Variants in TPO observed in about 807,000 individuals in gnomAD.
The protein encoded by TPO is thyroid microsomal antigen.
TPO carries 78 observed loss-of-function variants against 96.9 expected under a neutral mutation model. That is an observed-to-expected ratio of 0.81 (90% CI 0.67 to 0.97). The LOEUF is 0.97. Among genes scored for constraint, TPO ranks in the 50% least tolerant of loss-of-function variants. The pLI, the probability that TPO is intolerant of heterozygous loss-of-function variation, is 0.00. For missense variants in TPO, 1,252 were observed against 1,274.8 expected (o/e 0.98, Z 0.27); for synonymous variants, 547 against 538.0 (o/e 1.02, Z -0.23).
chr2:1,499,050 G>A (rs922798006), intron 13 of TPO, among the ~76,000 whole-genome samples: 22 of 152,086 alleles, frequency 1.4e-4, no homozygotes, highest in Admixed American at 3.3e-4. Context: ...GACGTTTCAC[G>A]TGTCCATTTT....
intron 9 of TPO, among the ~76,000 whole-genome samples, chr2:1,486,732 C>A (rs949152974): frequency 1.3e-5 from 2 of 152,038 alleles, no homozygotes; most frequent in Non-Finnish European, 2.9e-5. Context: ...ATTCCTTTCC[C>A]AGTAGTCTGT....
At position 1,542,835 on chromosome 2, in the gene TPO, C is replaced by T. The variant is rs915709969; in HGVS notation, c.*361C>T. The T allele has an allele frequency of 6.4e-5, 27 of 419,292 alleles. No homozygotes were observed. The highest frequency in any genetic ancestry group is 1.1e-4 in the Non-Finnish European group (25 of 229,354). The allele number at this position is 419,292 out of a possible 1,614,324, so 26.0% of individuals were successfully genotyped here. ...CGTCTGCACTCTGCCCCGGCGGTCC[C>T]TCCAGCACTGGTTTTTCCACACCCC... On this transcript the variant is annotated 3_prime_UTR_variant, in exon 17 of 17. Transcript: ENST00000329066.
At chr2:1,514,291 C>T (rs1297789863) in intron 14 of TPO, among the ~76,000 whole-genome samples, 2 of 152,354 alleles carry the variant, frequency 1.3e-5, no homozygotes, top group African/African-American at 4.8e-5. Context: ...TTTTCTCAGA[C>T]CACAGATTCC....
intron 1 of TPO, among the ~76,000 whole-genome samples, chr2:1,388,767 T>C (rs1661948153): frequency 6.6e-6 from 1 of 152,100 alleles, no homozygotes; most frequent in Non-Finnish European, 1.5e-5. Flanking sequence ...GGTACCTCAG[T>C]TGGAAATGCA....
At chr2:1,468,000 A>C (rs1669064808) in intron 7 of TPO, among the ~76,000 whole-genome samples, 2 of 143,878 alleles carry the variant, frequency 1.4e-5, no homozygotes, top group Non-Finnish European at 3.1e-5. Flanking sequence ...TGATATAAGA[A>C]TAGCTACACT....
chr2:1,505,922 T>C (rs1275499964), intron 14 of TPO, among the ~76,000 whole-genome samples: 7 of 151,930 alleles, frequency 4.6e-5, no homozygotes, highest in African/African-American at 1.7e-4. Context: ...GCAGGTTTGT[T>C]ACATATGTAT....
Position 1,542,969 on chromosome 2 carries a change from G to T in TPO, c.*495G>T, listed in dbSNP as rs1037293324. Reference sequence around the variant, plus strand: ...GGTGGGAGGAGGAAAGTGATTCTGAGGGAGAGGCTGGAGCCTTAAGGACCA... The same window carrying T: ...GGTGGGAGGAGGAAAGTGATTCTGATGGAGAGGCTGGAGCCTTAAGGACCA... On this transcript the variant is annotated 3_prime_UTR_variant, in exon 17 of 17. Transcript: ENST00000329066. The T allele has an allele frequency of 1.6e-5, 4 of 245,768 alleles. No homozygotes were observed. The highest frequency in any genetic ancestry group is 2.4e-5 in the Non-Finnish European group (3 of 124,818). 15.2% of individuals were successfully genotyped at this position (245,768 alleles called of 1,614,324 possible).
At chr2:1,497,291 C>T (rs1296549552) in intron 13 of TPO, among the ~76,000 whole-genome samples, 1 of 152,178 alleles carries the variant, frequency 6.6e-6, no homozygotes, top group African/African-American at 2.4e-5. Context: ...CCTTTCAGGC[C>T]GCAAGGCAAG....
chr2:1,436,364 C>T lies in TPO; in HGVS notation c.462C>T (p.Ile154=), dbSNP rs566758211. 1.2e-6 allele frequency: 2 copies of T among 1,614,186 alleles called. No homozygotes were observed. The highest frequency in any genetic ancestry group is 2.2e-5 in the South Asian group (2 of 91,086). ...GCCTGGCGAACAAATACAGGCCCAT[C>T]ACAGGAGCTTGCAACAACAGGTATT... ...NTCLANKYRP[I]TGACNNRDHP... Residue 154 remains isoleucine, a synonymous_variant, in exon 5 of 17, where the codon ATC becomes ATT. Transcript: ENST00000329066.
chr2:1,489,939 C>A, intron 10 of TPO, among the ~76,000 whole-genome samples: 1 of 114,716 alleles, frequency 8.7e-6, no homozygotes, highest in African/African-American at 3.2e-5. Flanking sequence ...CAGGAGGAGT[C>A]ACGACAGAGC....
At chr2:1,397,913 G>T (rs1007596963) in intron 1 of TPO, among the ~76,000 whole-genome samples, 4 of 152,164 alleles carry the variant, frequency 2.6e-5, no homozygotes, top group Admixed American at 2.0e-4. Context: ...CTCCCATGGG[G>T]CGTACCTGGG....
chr2:1,525,024 T>C (rs1279485574), intron 15 of TPO, among the ~76,000 whole-genome samples: 1 of 48,674 alleles, frequency 2.1e-5, no homozygotes, highest in Non-Finnish European at 3.6e-5. Context: ...CCTCGCCAAA[T>C]CCCCCAACTC....
rs186620709 is a variant in TPO, at chr2:1,540,663, C to A, written c.2688C>A (p.Cys896Ter). The A allele has an allele frequency of 1.9e-5, 30 of 1,613,488 alleles. No homozygotes were observed. The African/African-American group carries it at 3.6e-4, about 19-fold the overall frequency. Reference sequence around the variant, plus strand: ...GCGGAGGAACTCCCGAGCTGAGATGCGGAAAGCACCAGGCCGTAGGGACCT... The same window carrying A: ...GCGGAGGAACTCCCGAGCTGAGATGAGGAAAGCACCAGGCCGTAGGGACCT... ...ETGGGTPELRCGKHQAVGTSP... is the reference protein window; with the variant it reads ...ETGGGTPELR The change falls in exon 16 of 17, where the codon TGC (cysteine) becomes TGA (stop). Residue 896 changes from cysteine to a stop codon, truncating the protein, a stop_gained. Transcript: ENST00000329066. LOFTEE classifies it high-confidence loss of function.
intron 7 of TPO, among the ~76,000 whole-genome samples, chr2:1,461,147 C>T (rs1045078417): frequency 4.6e-5 from 7 of 152,180 alleles, no homozygotes; most frequent in African/African-American, 1.2e-4. Flanking sequence ...CCACACACAC[C>T]GTGGGGGAGG....
At chr2:1,481,009 G>A (rs150617028) in intron 8 of TPO, among the ~76,000 whole-genome samples, 21 of 151,600 alleles carry the variant, frequency 1.4e-4, no homozygotes, top group African/African-American at 3.6e-4. Flanking sequence ...CTGCAGGGCC[G>A]CCCTCTGTGC....
At chr2:1,459,630 A>C (rs1171239869) in intron 7 of TPO, among the ~76,000 whole-genome samples, 2 of 152,216 alleles carry the variant, frequency 1.3e-5, no homozygotes, top group African/African-American at 2.4e-5. Context: ...ATAAACCAGC[A>C]GTTACAAAAT....
chr2:1,392,938 G>A (rs1375081826), intron 1 of TPO, among the ~76,000 whole-genome samples: 1 of 152,090 alleles, frequency 6.6e-6, no homozygotes, highest in Non-Finnish European at 1.5e-5. Context: ...TATGTGTAAT[G>A]TTTTACATTC....
intron 16 of TPO, chr2:1,541,178 G>C (rs1001537980): frequency 3.4e-6 from 4 of 1,174,454 alleles, no homozygotes; most frequent in Non-Finnish European, 4.3e-6. Flanking sequence ...ACTCACTTGT[G>C]TAAGTCTGAC....
At chr2:1,502,979 C>T (rs553648459) in intron 13 of TPO, among the ~76,000 whole-genome samples, 36 of 152,332 alleles carry the variant, frequency 2.4e-4, no homozygotes, top group South Asian at 4.1e-4. Context: ...CGAGGCCTCA[C>T]GGGTCTCCGG....
Sources: gnomAD v4.1 joint callset for allele counts (sites outside exome capture counted in the v4.1 genomes callset) on GRCh38, gnomAD v4.1.1 for gene constraint, MANE v1.5 for transcripts, NCBI Gene and HGNC (gene_info 2026-07-23, HGNC 2026-07-21) for gene names.